CPQ: variants seen among roughly 807,000 people sequenced by gnomAD.
CPQ encodes Ser-Met dipeptidase.
Under a neutral mutation model 45.7 loss-of-function variants are expected in CPQ, and 37 were observed. That is an observed-to-expected ratio of 0.81 (90% CI 0.62 to 1.07). The LOEUF is 1.07. CPQ is among the 50% of genes least tolerant of loss of function. The pLI is 0.00. For missense variants in CPQ, 537 were observed against 572.9 expected, an observed-to-expected ratio of 0.94 and a Z score of 0.64; for synonymous variants, 186 against 205.8, an observed-to-expected ratio of 0.90 and a Z score of 0.82.
chr8:96,693,503 C>T (rs568125958), intron 1 of CPQ, among the ~76,000 whole-genome samples: 2 of 152,286 alleles, frequency 1.3e-5, no homozygotes, highest in Admixed American at 1.3e-4. Flanking sequence ...ATCTCCAATA[C>T]ATCTGGCAGC....
At chr8:96,813,436 G>T (rs1480391224) in intron 2 of CPQ, among the ~76,000 whole-genome samples, 3 of 152,076 alleles carry the variant, frequency 2.0e-5, no homozygotes, top group Non-Finnish European at 4.4e-5. Flanking sequence ...GACTGTGATG[G>T]TTCAGGGATA....
At chr8:96,801,289 A>G (rs1425948319) in intron 2 of CPQ, among the ~76,000 whole-genome samples, 1 of 152,060 alleles carries the variant, frequency 6.6e-6, no homozygotes, top group African/African-American at 2.4e-5. Flanking sequence ...ATCTGATCTT[A>G]AAAACAAAAA....
At chr8:96,873,799 A>G (rs1032982281) in intron 3 of CPQ, among the ~76,000 whole-genome samples, 1 of 151,822 alleles carries the variant, frequency 6.6e-6, no homozygotes, top group Admixed American at 6.6e-5. Flanking sequence ...ATTGAGATAT[A>G]TAATTGTCCT....
chr8:96,978,164 T>C (rs894427269), intron 5 of CPQ, among the ~76,000 whole-genome samples: 2 of 152,208 alleles, frequency 1.3e-5, no homozygotes, highest in Non-Finnish European at 2.9e-5. Context: ...GTAAGACCCA[T>C]GGCAGATACA....
chr8:96,977,487 G>A (rs1813809656), intron 5 of CPQ, among the ~76,000 whole-genome samples: 1 of 152,086 alleles, frequency 6.6e-6, no homozygotes, highest in South Asian at 2.1e-4. Flanking sequence ...CTCACTACTA[G>A]GTATCTACCC....
intron 5 of CPQ, among the ~76,000 whole-genome samples, chr8:97,014,201 G>A (rs922289464): frequency 1.3e-5 from 2 of 152,186 alleles, no homozygotes; most frequent in Non-Finnish European, 2.9e-5. Flanking sequence ...GCCACAGTAG[G>A]AATGTAAAGG....
intron 1 of CPQ, among the ~76,000 whole-genome samples, chr8:96,676,978 A>G (rs1248444937): frequency 2.0e-5 from 3 of 151,978 alleles, no homozygotes; most frequent in Non-Finnish European, 2.9e-5. Flanking sequence ...CTCCAGCTCC[A>G]TCTAACTTGC....
At chr8:96,778,184 C>T (rs1220595696) in intron 1 of CPQ, among the ~76,000 whole-genome samples, 1 of 151,618 alleles carries the variant, frequency 6.6e-6, no homozygotes, top group Non-Finnish European at 1.5e-5. Flanking sequence ...TTTAAAAATA[C>T]CTATTATATC....
At chr8:96,822,392 G>T (rs896099944) in intron 2 of CPQ, among the ~76,000 whole-genome samples, 2 of 151,962 alleles carry the variant, frequency 1.3e-5, no homozygotes, top group Non-Finnish European at 2.9e-5. Context: ...TTGACATACT[G>T]ATTTCATATT....
At chr8:97,054,487 C>T (rs1363551758) in intron 6 of CPQ, among the ~76,000 whole-genome samples, 1 of 152,184 alleles carries the variant, frequency 6.6e-6, no homozygotes, top group African/African-American at 2.4e-5. Context: ...TTTATCACAG[C>T]ATGGTTCACA....
intron 4 of CPQ, among the ~76,000 whole-genome samples, chr8:96,927,463 C>T (rs1197449800): frequency 6.6e-6 from 1 of 152,116 alleles, no homozygotes; most frequent in African/African-American, 2.4e-5. Flanking sequence ...GGACTTCATA[C>T]CTTTCCAAGG....
chr8:96,817,178 A>G (rs1481324545), intron 2 of CPQ, among the ~76,000 whole-genome samples: 2 of 152,044 alleles, frequency 1.3e-5, no homozygotes, highest in Admixed American at 6.6e-5. Context: ...GACATACCTC[A>G]ATGGTCTTAA....
intron 4 of CPQ, among the ~76,000 whole-genome samples, chr8:96,896,015 T>C (rs1473726298): frequency 1.3e-5 from 2 of 152,136 alleles, no homozygotes. Flanking sequence ...GTTTATACTG[T>C]AAATCTCCAT....
chr8:97,084,844 G>A (rs187703747), intron 7 of CPQ, among the ~76,000 whole-genome samples: 1 of 150,072 alleles, frequency 6.7e-6, no homozygotes, highest in East Asian at 1.9e-4. Context: ...GTGTCTCTCT[G>A]TGTGTATGTA....
At chr8:97,104,932 G>C (rs532644323) in intron 7 of CPQ, among the ~76,000 whole-genome samples, 1 of 152,334 alleles carries the variant, frequency 6.6e-6, no homozygotes, top group East Asian at 1.9e-4. Context: ...TAATTTCACT[G>C]AGAGTCTTTT....
At chr8:96,776,433 G>A (rs1245244473) in intron 1 of CPQ, among the ~76,000 whole-genome samples, 1 of 152,146 alleles carries the variant, frequency 6.6e-6, no homozygotes, top group East Asian at 1.9e-4. Context: ...CACAATAAAA[G>A]ATCAATAAAT....
At chr8:97,080,960 G>T (rs920744717) in intron 7 of CPQ, among the ~76,000 whole-genome samples, 6 of 46,452 alleles carry the variant, frequency 1.3e-4, no homozygotes, top group Admixed American at 5.1e-4. Flanking sequence ...TTCTATACAT[G>T]TATTTTTTGT....
At chr8:96,915,639 A>G (rs1812723801) in intron 4 of CPQ, among the ~76,000 whole-genome samples, 1 of 152,130 alleles carries the variant, frequency 6.6e-6, no homozygotes, top group Non-Finnish European at 1.5e-5. Flanking sequence ...CCCAGTATTC[A>G]GGACAGATCT....
intron 3 of CPQ, among the ~76,000 whole-genome samples, chr8:96,848,228 CT>C (rs1173114497): frequency 6.6e-6 from 1 of 152,034 alleles, no homozygotes; most frequent in Admixed American, 6.6e-5. Context: ...TATTATGTGT[CT>C]TCTATATTTC....
Sources: allele counts gnomAD v4.1 joint callset (sites outside exome capture counted in the v4.1 genomes callset), GRCh38; gene constraint gnomAD v4.1.1; transcripts MANE v1.5; gene names NCBI Gene and HGNC (gene_info 2026-07-23, HGNC 2026-07-21).